KCNH8: variants seen among roughly 807,000 people sequenced by gnomAD.
KCNH8 encodes the protein potassium voltage-gated channel subfamily H member 8, also known as voltage-gated delayed rectifier potassium channel KCNH8.
In KCNH8, 70 loss-of-function variants were observed where a neutral mutation model predicts 103.6. The ratio of observed to expected loss-of-function variants is 0.68; its 90% CI spans 0.56 to 0.82. KCNH8 has a LOEUF of 0.82. Ranked by LOEUF, KCNH8 falls within the 40% of genes least tolerant of loss-of-function variation. The pLI, the probability that KCNH8 is intolerant of heterozygous loss-of-function variation, is 0.00. For missense variants in KCNH8, 1,217 were observed against 1,329.9 expected, an observed-to-expected ratio of 0.92 and a Z score of 1.32; for synonymous variants, 498 against 489.4, an observed-to-expected ratio of 1.02 and a Z score of -0.23.
intron 15 of KCNH8, among the ~76,000 whole-genome samples, chr3:19,529,778 A>G (rs1444121802): frequency 1.3e-5 from 2 of 152,102 alleles, no homozygotes; most frequent in African/African-American, 4.8e-5. Context: ...CTTACTTAAC[A>G]CAATTAATTC....
chr3:19,523,886 T>C (rs933582664), intron 15 of KCNH8, among the ~76,000 whole-genome samples: 1 of 151,808 alleles, frequency 6.6e-6, no homozygotes, highest in African/African-American at 2.4e-5. Flanking sequence ...AGTAAAAAAA[T>C]ACCAGCAATG....
chr3:19,515,473 T>G, intron 14 of KCNH8, 45 bp downstream of exon 14: 1 of 1,023,596 alleles, frequency 9.8e-7, no homozygotes, highest in Non-Finnish European at 1.4e-6. Context: ...ATATTTCTTA[T>G]TAACTTGTAA....
chr3:19,310,817 A>G (rs762241515), intron 3 of KCNH8, among the ~76,000 whole-genome samples: 14 of 151,932 alleles, frequency 9.2e-5, no homozygotes, highest in Non-Finnish European at 1.8e-4. Flanking sequence ...ATTCATAATA[A>G]AAGATGATAA....
At chr3:19,465,917 G>T (rs976886820) in intron 11 of KCNH8, among the ~76,000 whole-genome samples, 1 of 152,010 alleles carries the variant, frequency 6.6e-6, no homozygotes, top group African/African-American at 2.4e-5. Context: ...CATATAAGAA[G>T]TTGCTTCTTT....
At chr3:19,342,414 A>C (rs2065672488) in intron 3 of KCNH8, among the ~76,000 whole-genome samples, 173 bp from the exon 4 acceptor site, 2 of 152,134 alleles carry the variant, frequency 1.3e-5, no homozygotes, top group African/African-American at 4.8e-5. Context: ...TGATGATAAA[A>C]ATATATAAAT....
intron 5 of KCNH8, among the ~76,000 whole-genome samples, chr3:19,371,305 A>T (rs1158224818): frequency 6.6e-6 from 1 of 151,670 alleles, no homozygotes; most frequent in Non-Finnish European, 1.5e-5. Flanking sequence ...TGCCATTCTA[A>T]CTGGTGTGAG....
chr3:19,397,891 A>C (rs2066547564), intron 7 of KCNH8, among the ~76,000 whole-genome samples: 1 of 151,892 alleles, frequency 6.6e-6, no homozygotes, highest in Non-Finnish European at 1.5e-5. Flanking sequence ...CACAGATTAA[A>C]TAATCATGAC....
chr3:19,189,634 T>G (rs1299213681), intron 1 of KCNH8, among the ~76,000 whole-genome samples: 1 of 152,056 alleles, frequency 6.6e-6, no homozygotes, highest in Non-Finnish European at 1.5e-5. Context: ...GAATAAGATT[T>G]AGCATACCAA....
intron 5 of KCNH8, among the ~76,000 whole-genome samples, chr3:19,354,106 A>G (rs2065844586): frequency 6.6e-6 from 1 of 152,188 alleles, no homozygotes; most frequent in South Asian, 2.1e-4. Context: ...AGAGAGCCAA[A>G]TCATGAGTGA....
At position 19,181,838 on chromosome 3, in the gene KCNH8, C is replaced by T. The variant is rs529995801; in HGVS notation, c.76+33043C>T. Among the ~76,000 whole-genome samples the T allele has an allele frequency of 5.9e-4, 90 of 152,172 alleles. 2 individuals are homozygous for T. In the South Asian group the frequency reaches 0.018, roughly 30 times the overall value. ...AACAAACAGAGAAAGAGTGAAATATCCTTGATCTAGAAATCTTGTTACAAA... is the reference window on the plus strand; with the variant it reads ...AACAAACAGAGAAAGAGTGAAATATTCTTGATCTAGAAATCTTGTTACAAA... On this transcript the variant is annotated intron_variant, in intron 1 of 15. Transcript: ENST00000328405.
At chr3:19,240,770 A>T (rs2064130175) in intron 1 of KCNH8, among the ~76,000 whole-genome samples, 1 of 152,108 alleles carries the variant, frequency 6.6e-6, no homozygotes, top group Admixed American at 6.5e-5. Flanking sequence ...CATAAGATAC[A>T]CCTCTGCCTT....
chr3:19,288,181 CTTTTTTTTTTTTTT>C (rs767659898), intron 3 of KCNH8, among the ~76,000 whole-genome samples: 2,437 of 38,300 alleles, frequency 0.064, 139 homozygotes, highest in African/African-American at 0.22. Flanking sequence ...TATCAAACTT[CTTTTTTTTTTTTTT>C]TTTTTTTTTT....
At chr3:19,241,780 A>G (rs994495085) in intron 1 of KCNH8, among the ~76,000 whole-genome samples, 3 of 152,092 alleles carry the variant, frequency 2.0e-5, no homozygotes, top group African/African-American at 7.2e-5. Flanking sequence ...ACCATTCCTG[A>G]TGGAGAAAGT....
chr3:19,424,985 C>T (rs918925740), intron 7 of KCNH8, among the ~76,000 whole-genome samples: 3 of 151,336 alleles, frequency 2.0e-5, no homozygotes, highest in Non-Finnish European at 4.4e-5. Flanking sequence ...TTCCCTGTTA[C>T]ACACACACAC....
At chr3:19,158,989 G>A (rs2063207652) in intron 1 of KCNH8, among the ~76,000 whole-genome samples, 1 of 151,770 alleles carries the variant, frequency 6.6e-6, no homozygotes, top group East Asian at 1.9e-4. Flanking sequence ...ACTTTAAGGG[G>A]TATTATTTTA....
rs758830714 is a variant in KCNH8 at position 19,512,999 on chromosome 3, C to T, written c.2109C>T (p.Asn703=). 1 of 1,613,358 alleles carries T rather than the reference C, an allele frequency of 6.2e-7. No individual in the cohort carries two copies. Among genetic ancestry groups the T allele is most frequent in the Non-Finnish European group, 8.5e-7 (1 of 1,179,742 alleles). Residue 703 remains asparagine (N), a synonymous_variant, in exon 13 of 16, where the codon AAC becomes AAT. Coordinates refer to ENST00000328405, the MANE Select transcript of KCNH8 (RefSeq NM_144633.3). ...QSEPKGNGNI[N]KRLPSIVEDE... is the part of the protein sequence containing the mutation. ...AGCCCAAGGGAAATGGCAACATCAA[C>T]AAGCGACTCCCATCCATTGTGGAAG...
chr3:19,364,005 A>C (rs758076996), intron 5 of KCNH8, among the ~76,000 whole-genome samples: 7 of 152,100 alleles, frequency 4.6e-5, no homozygotes, highest in Non-Finnish European at 8.8e-5. Context: ...TTGCTTGGAC[A>C]TTCTGGTATA....
intron 3 of KCNH8, among the ~76,000 whole-genome samples, chr3:19,333,983 G>A (rs112733117): frequency 2.5e-3 from 378 of 152,218 alleles, no homozygotes; most frequent in Admixed American, 3.9e-3. Context: ...GGAATAAAAG[G>A]AAGAAGAGTG....
At chr3:19,457,012 C>A in intron 11 of KCNH8, 30 bp downstream of exon 11, 1 of 1,445,988 alleles carries the variant, frequency 6.9e-7, no homozygotes, top group Non-Finnish European at 9.7e-7. Flanking sequence ...AGTGCTAAGA[C>A]CTAATAACAT....
Sources: allele counts gnomAD v4.1 joint callset (sites outside exome capture counted in the v4.1 genomes callset), GRCh38; gene constraint gnomAD v4.1.1; transcripts MANE v1.5; gene names NCBI Gene and HGNC (gene_info 2026-07-23, HGNC 2026-07-21).